The following NFIL3 variants were observed in gnomAD, a reference collection of about 807,000 sequenced individuals.
NFIL3 encodes nuclear factor interleukin-3-regulated protein.
NFIL3 carries 5 observed loss-of-function variants against 10.0 expected under a neutral mutation model. That is an observed-to-expected ratio of 0.50 (90% CI 0.26 to 1.06). The LOEUF (loss-of-function observed/expected upper bound fraction) is 1.06. NFIL3 is among the 50% of genes least tolerant of loss of function. The pLI is 0.13. For synonymous variants in NFIL3, 202 were observed against 206.5 expected (o/e 0.98, Z 0.19); for missense variants, 436 against 547.6 (o/e 0.80, Z 2.03).
chr9:91,410,560 C>A lies in NFIL3; in HGVS notation c.175G>T (p.Ala59Ser). 6.2e-7 allele frequency: 1 copy of A among 1,614,190 alleles called. No individual in the cohort carries two copies. Among genetic ancestry groups the A allele is most frequent in the South Asian group, 1.1e-5 (1 of 91,078 alleles). Residue 59 changes from alanine (A) to serine (S), a missense_variant, in exon 2 of 2, where the codon GCA (alanine) becomes TCA (serine). Coordinates refer to ENST00000297689, the MANE Select transcript of NFIL3 (RefSeq NM_005384.3). The surrounding 1 kb of genome is among the most constrained non-coding windows in gnomAD (Gnocchi z 5.7). ...EGSVGKNKSSACRRKREFIPD... is the reference protein window; with the variant it reads ...EGSVGKNKSSSCRRKREFIPD... ...ATGAATTCCCGTTTCCTCCGACATG[C>A]AGAAGATTTGTTCTTCCCCACACTT...
the NFIL3 span, among the ~76,000 whole-genome samples, chr9:91,476,444 G>A: frequency 1.3e-5 from 2 of 152,096 alleles, no homozygotes; most frequent in African/African-American, 2.4e-5. Context: ...GTGGTGGCAC[G>A]CACCTGTAAT....
the NFIL3 span, among the ~76,000 whole-genome samples, chr9:91,429,959 C>T: frequency 6.6e-6 from 1 of 152,054 alleles, no homozygotes; most frequent in African/African-American, 2.4e-5. Context: ...CTCACTTTCA[C>T]CTTTTGACAA....
the NFIL3 span, among the ~76,000 whole-genome samples, chr9:91,460,963 C>T: frequency 6.6e-6 from 1 of 152,216 alleles, no homozygotes; most frequent in East Asian, 1.9e-4. Context: ...ACATTGCCAT[C>T]TAGTTCCTTC....
At chr9:91,475,131 G>A in the NFIL3 span, among the ~76,000 whole-genome samples, 1 of 152,136 alleles carries the variant, frequency 6.6e-6, no homozygotes, top group Non-Finnish European at 1.5e-5. Flanking sequence ...AGCATTCATT[G>A]TTATCATTTC....
chr9:91,445,823 G>T, the NFIL3 span, among the ~76,000 whole-genome samples: 1 of 152,084 alleles, frequency 6.6e-6, no homozygotes, highest in Non-Finnish European at 1.5e-5. Context: ...GACTGAAATC[G>T]GGGGGATGGA....
At chr9:91,475,432 A>G in the NFIL3 span, among the ~76,000 whole-genome samples, 1 of 152,240 alleles carries the variant, frequency 6.6e-6, no homozygotes, top group African/African-American at 2.4e-5. Flanking sequence ...GGCTAACATG[A>G]CAGTCAATTT....
the NFIL3 span, among the ~76,000 whole-genome samples, chr9:91,453,244 T>G: frequency 6.6e-6 from 1 of 152,002 alleles, no homozygotes; most frequent in Non-Finnish European, 1.5e-5. Flanking sequence ...GCTAGACATA[T>G]TAGATTAGGG....
At chr9:91,482,550 A>G in the NFIL3 span, among the ~76,000 whole-genome samples, 3 of 152,054 alleles carry the variant, frequency 2.0e-5, no homozygotes, top group African/African-American at 7.3e-5. Context: ...CCCAGGCTGG[A>G]GTGCAGTAGT....
chr9:91,454,361 C>T, the NFIL3 span, among the ~76,000 whole-genome samples: 4,670 of 151,612 alleles, frequency 0.031, 99 homozygotes, highest in East Asian at 0.093. Context: ...TTCTGGGAGG[C>T]TTTTTATCCC....
At chr9:91,463,002 A>G in the NFIL3 span, among the ~76,000 whole-genome samples, 1 of 151,918 alleles carries the variant, frequency 6.6e-6, no homozygotes, top group African/African-American at 2.4e-5. Context: ...AATATTCTTT[A>G]TTATCCTTTT....
At chr9:91,417,788 G>T (rs1833685319) in intron 1 of NFIL3, among the ~76,000 whole-genome samples, 1 of 152,094 alleles carries the variant, frequency 6.6e-6, no homozygotes, top group Non-Finnish European at 1.5e-5. Flanking sequence ...ACTTGATCAA[G>T]ACAGGCAAGA....
the NFIL3 span, among the ~76,000 whole-genome samples, chr9:91,453,503 G>A: frequency 2.6e-5 from 4 of 151,872 alleles, no homozygotes; most frequent in African/African-American, 9.7e-5. Context: ...ACTTTATTTC[G>A]GAGAGACATA....
At chr9:91,425,858 T>G (rs1053525080), upstream of NFIL3, among the ~76,000 whole-genome samples, 3 of 152,218 alleles carry the variant, frequency 2.0e-5, no homozygotes, top group East Asian at 1.9e-4. Context: ...CTCTCTTAGA[T>G]GAAATCAAAA....
At position 91,410,808 on chromosome 9, in the gene NFIL3, A is replaced by C; in HGVS notation, c.-74T>G. The C allele has an allele frequency of 7.1e-7, 1 of 1,414,284 alleles. No homozygotes were observed. Among genetic ancestry groups the C allele is most frequent in the Non-Finnish European group, 9.5e-7 (1 of 1,057,720 alleles). The allele number at this position is 1,414,284 out of a possible 1,614,324, so 87.6% of individuals were successfully genotyped here. A position where few individuals can be genotyped will look rare whatever the true frequency, so the allele number is the denominator to read the frequency against. On this transcript the variant is annotated 5_prime_UTR_variant, in exon 2 of 2. Coordinates refer to ENST00000297689, the MANE Select transcript of NFIL3 (RefSeq NM_005384.3). The surrounding 1 kb of genome is among the most constrained non-coding windows in gnomAD (Gnocchi z 5.7). ...CCCCGTATTCTCAAGCTCTTTAAAAACTCTGGTTTAAAATCCATCAATATT... is the reference window on the plus strand; with the variant it reads ...CCCCGTATTCTCAAGCTCTTTAAAACCTCTGGTTTAAAATCCATCAATATT...
chr9:91,423,947 CGGCCGGCAGG>C (rs2118053091), upstream of NFIL3: 1 of 145,290 alleles, frequency 6.9e-6, no homozygotes, highest in African/African-American at 2.5e-5. Flanking sequence ...CCAATGGCCG[CGGCCGGCAGG>C]GGCGGGCCGG....
In NFIL3 at chr9:91,420,097, T is replaced by C. The variant is rs561106355; in HGVS notation, c.-173+3543A>G. Among the ~76,000 whole-genome samples the C allele has an allele frequency of 3.9e-5, 6 of 152,296 alleles. No homozygotes were observed. In the South Asian group the frequency reaches 8.3e-4, roughly 21 times the overall value. ...AATTGTCACGTCATTCCTGCTACTA[T>C]AATCGACTCATCTCTCTATTCCTTC... is the stretch of plus-strand genomic sequence containing the variant. On this transcript the variant is annotated intron_variant, in intron 1 of 1. Coordinates refer to ENST00000297689, the MANE Select transcript of NFIL3 (RefSeq NM_005384.3).
At chr9:91,438,275 T>G in the NFIL3 span, among the ~76,000 whole-genome samples, 1 of 152,336 alleles carries the variant, frequency 6.6e-6, no homozygotes, top group South Asian at 2.1e-4. Flanking sequence ...GTTTAACACC[T>G]TCTTACAAAT....
the NFIL3 span, among the ~76,000 whole-genome samples, chr9:91,446,834 C>T: frequency 6.8e-6 from 1 of 146,616 alleles, no homozygotes; most frequent in African/African-American, 2.5e-5. Flanking sequence ...TTCTCTCTTT[C>T]AATGGAGTTT....
chr9:91,421,304 C>T (rs2118031000), intron 1 of NFIL3, among the ~76,000 whole-genome samples: 1 of 151,856 alleles, frequency 6.6e-6, no homozygotes, highest in African/African-American at 2.4e-5. Flanking sequence ...CACCCGTACG[C>T]CGGCCCCGGC....
Sources: gnomAD v4.1 joint callset for allele counts (sites outside exome capture counted in the v4.1 genomes callset) on GRCh38, gnomAD v4.1.1 for gene constraint, Gnocchi (gnomAD v3.1) non-coding constraint, MANE v1.5 for transcripts, NCBI Gene and HGNC (gene_info 2026-07-23, HGNC 2026-07-21) for gene names.